The following LINGO2 variants were observed in gnomAD, a reference collection of about 807,000 sequenced individuals.
LINGO2 encodes leucine-rich repeat and immunoglobulin-like domain-containing nogo receptor-interacting protein 2.
In LINGO2, 14 loss-of-function variants were observed where a neutral mutation model predicts 30.6. That is an observed-to-expected ratio of 0.46 (90% CI 0.30 to 0.72). LINGO2 has a LOEUF of 0.72. Ranked by LOEUF, LINGO2 falls within the 30% of genes least tolerant of loss-of-function variation. The pLI, the probability that LINGO2 is intolerant of heterozygous loss-of-function variation, is 0.07. For missense variants in LINGO2, 729 were observed against 751.7 expected, an observed-to-expected ratio of 0.97 and a Z score of 0.35; for synonymous variants, 317 against 288.5, an observed-to-expected ratio of 1.10 and a Z score of -1.00.
At chr9:28,176,687 G>T (rs965522495) in intron 4 of LINGO2, among the ~76,000 whole-genome samples, 1 of 152,124 alleles carries the variant, frequency 6.6e-6, no homozygotes, top group African/African-American at 2.4e-5. Flanking sequence ...TGAAGATAAG[G>T]AAATTAAAAC....
chr9:28,902,634 G>C, the LINGO2 span, among the ~76,000 whole-genome samples: 1 of 152,014 alleles, frequency 6.6e-6, no homozygotes, highest in Admixed American at 6.6e-5. Context: ...AATACACTGG[G>C]ACAGAAAATA....
At chr9:28,343,174 A>C (rs1253316472) in intron 3 of LINGO2, among the ~76,000 whole-genome samples, 1 of 152,218 alleles carries the variant, frequency 6.6e-6, no homozygotes, top group Non-Finnish European at 1.5e-5. Flanking sequence ...GAAATCTAGA[A>C]TATCCCTCAG....
At chr9:29,096,211 A>T in the LINGO2 span, among the ~76,000 whole-genome samples, 1 of 139,616 alleles carries the variant, frequency 7.2e-6, no homozygotes, top group East Asian at 2.5e-4. Flanking sequence ...AGTGATTTTC[A>T]GCCAACCTCT....
intron 4 of LINGO2, among the ~76,000 whole-genome samples, chr9:28,059,178 C>T (rs995515744): frequency 2.0e-5 from 3 of 152,056 alleles, no homozygotes; most frequent in African/African-American, 7.2e-5. Flanking sequence ...ATTGTATTCC[C>T]ATTATCTCAA....
chr9:29,095,133 G>A, the LINGO2 span, among the ~76,000 whole-genome samples: 5 of 138,406 alleles, frequency 3.6e-5, 1 homozygote, highest in East Asian at 1.2e-3. Context: ...TCATTAATTT[G>A]AGTATTCTAA....
chr9:28,055,724 GAT>G (rs1824903420), intron 4 of LINGO2, among the ~76,000 whole-genome samples: 1 of 152,122 alleles, frequency 6.6e-6, no homozygotes, highest in African/African-American at 2.4e-5. Flanking sequence ...TTCTTTAAAA[GAT>G]ATGTACTCAA....
the LINGO2 span, among the ~76,000 whole-genome samples, chr9:28,772,174 G>A: frequency 6.6e-6 from 1 of 152,136 alleles, no homozygotes; most frequent in Non-Finnish European, 1.5e-5. Context: ...TAATAAATTG[G>A]CAGTTGGTTT....
intron 4 of LINGO2, among the ~76,000 whole-genome samples, chr9:28,154,612 G>A (rs545784102): frequency 1.1e-4 from 17 of 152,244 alleles, no homozygotes; most frequent in Non-Finnish European, 1.8e-4. Flanking sequence ...TTTCCACAAC[G>A]AAGAGAAAAC....
At chr9:28,106,684 A>G (rs1014137341) in intron 4 of LINGO2, among the ~76,000 whole-genome samples, 6 of 152,118 alleles carry the variant, frequency 3.9e-5, no homozygotes, top group Non-Finnish European at 8.8e-5. Context: ...GAAGTACCAC[A>G]GTGTTTTAAA....
intron 1 of LINGO2, among the ~76,000 whole-genome samples, chr9:28,592,447 G>C (rs1199696840): frequency 6.6e-6 from 1 of 152,098 alleles, no homozygotes; most frequent in Non-Finnish European, 1.5e-5. Flanking sequence ...GTTATCCCCA[G>C]TTTTTGGCTC....
the LINGO2 span, among the ~76,000 whole-genome samples, chr9:28,769,460 T>C: frequency 1.8e-5 from 2 of 108,698 alleles, no homozygotes; most frequent in East Asian, 2.7e-4. Context: ...CCCAGTTACA[T>C]GCTATATATA....
At chr9:28,992,022 C>G in the LINGO2 span, among the ~76,000 whole-genome samples, 97,154 of 151,502 alleles carry the variant, frequency 0.64, 31,913 homozygotes, top group Non-Finnish European at 0.72. Context: ...ACAATATTAA[C>G]TTTAAATGTA....
the LINGO2 span, among the ~76,000 whole-genome samples, chr9:29,212,009 C>T: frequency 6.6e-6 from 1 of 152,194 alleles, no homozygotes; most frequent in Non-Finnish European, 1.5e-5. Context: ...ACCCTTCACT[C>T]CCTCCCACCC....
At chr9:28,387,505 A>G (rs748847411) in intron 2 of LINGO2, among the ~76,000 whole-genome samples, 3 of 152,188 alleles carry the variant, frequency 2.0e-5, no homozygotes, top group Admixed American at 2.0e-4. Context: ...TCCACGTTGT[A>G]GAAGCCTTTT....
chr9:28,375,300 C>A (rs79389264), intron 2 of LINGO2, among the ~76,000 whole-genome samples: 2,763 of 152,242 alleles, frequency 0.018, 71 homozygotes, highest in African/African-American at 0.061. Flanking sequence ...TATTATTCCC[C>A]GGTTCAGCCT....
the LINGO2 span, among the ~76,000 whole-genome samples, chr9:28,873,214 C>CA: frequency 1.3e-5 from 2 of 151,326 alleles, no homozygotes; most frequent in Non-Finnish European, 2.9e-5. Flanking sequence ...ACTAAAAATA[C>CA]AAAAAATTAG....
intron 1 of LINGO2, among the ~76,000 whole-genome samples, chr9:28,511,517 C>T (rs1035496929): frequency 6.6e-6 from 1 of 152,096 alleles, no homozygotes; most frequent in Non-Finnish European, 1.5e-5. Flanking sequence ...ACAGGGGTGG[C>T]TAGGGAAAAA....
rs190559178 is a variant in LINGO2 at position 28,257,602 on chromosome 9, A to G, written c.-87+37606T>C. Reference sequence around the variant, plus strand: ...AGATAACATTTTGGCAATGATGGATATCTCAAAATTTGTACTTACAGCTAT... The same window carrying G: ...AGATAACATTTTGGCAATGATGGATGTCTCAAAATTTGTACTTACAGCTAT... On this transcript the variant is annotated intron_variant, in intron 4 of 5. Coordinates refer to ENST00000379992, the Ensembl canonical transcript of LINGO2. Among the ~76,000 whole-genome samples, 20 of 152,086 alleles carry G rather than the reference A, an allele frequency of 1.3e-4. No individual in the cohort carries two copies. In the East Asian group the frequency reaches 3.7e-3, roughly 28 times the overall value.
chr9:28,088,950 G>T (rs1825994486), intron 4 of LINGO2, among the ~76,000 whole-genome samples: 1 of 152,050 alleles, frequency 6.6e-6, no homozygotes, highest in Admixed American at 6.6e-5. Flanking sequence ...AACCAACAAA[G>T]ATCAAAAGAG....
Sources: allele counts gnomAD v4.1 joint callset (sites outside exome capture counted in the v4.1 genomes callset), GRCh38; gene constraint gnomAD v4.1.1; transcripts MANE v1.5; gene names NCBI Gene and HGNC (gene_info 2026-07-23, HGNC 2026-07-21).